MYRIP: variants seen among roughly 807,000 people sequenced by gnomAD.
The protein encoded by MYRIP is rab effector MyRIP.
MYRIP carries 49 observed loss-of-function variants against 98.0 expected under a neutral mutation model. The observed-to-expected ratio is 0.50, with a 90% CI of 0.40 to 0.63. MYRIP has a LOEUF of 0.63. MYRIP is among the 30% of genes least tolerant of loss of function. The probability of loss-of-function intolerance (pLI) is 0.00; values close to 1 mark genes in which losing one functional copy is unlikely to be tolerated. For synonymous variants in MYRIP, 404 were observed against 409.5 expected (o/e 0.99, Z 0.16); for missense variants, 1,004 against 1,058.2 (o/e 0.95, Z 0.71).
chr3:39,854,540 A>C (rs1327655166), intron 1 of MYRIP, among the ~76,000 whole-genome samples: 1 of 151,842 alleles, frequency 6.6e-6, no homozygotes, highest in Non-Finnish European at 1.5e-5. Context: ...TTTCATCCAT[A>C]TCCTGTACTG....
chr3:39,962,359 TAGG>T (rs1945343532), intron 2 of MYRIP, among the ~76,000 whole-genome samples: 1 of 152,058 alleles, frequency 6.6e-6, no homozygotes. Context: ...GAGTGACTAT[TAGG>T]AGGAATTAAA....
intron 3 of MYRIP, among the ~76,000 whole-genome samples, chr3:40,102,727 G>A (rs531136955): frequency 6.6e-6 from 1 of 152,104 alleles, no homozygotes; most frequent in South Asian, 2.1e-4. Flanking sequence ...TCAGAGTTAG[G>A]TATGTACACC....
chr3:40,192,886 C>T (rs892797703), intron 10 of MYRIP, among the ~76,000 whole-genome samples: 1 of 152,194 alleles, frequency 6.6e-6, no homozygotes, highest in Non-Finnish European at 1.5e-5. Flanking sequence ...AGTTGCCCAT[C>T]ATGCTTCTAC....
At chr3:40,159,640 C>T (rs1313100698) in intron 4 of MYRIP, among the ~76,000 whole-genome samples, 2 of 151,898 alleles carry the variant, frequency 1.3e-5, no homozygotes, top group African/African-American at 2.4e-5. Context: ...ACCAATCAGA[C>T]GTAGATTTGG....
At chr3:39,914,397 T>C (rs1247215547) in intron 2 of MYRIP, among the ~76,000 whole-genome samples, 1 of 152,046 alleles carries the variant, frequency 6.6e-6, no homozygotes, top group Non-Finnish European at 1.5e-5. Flanking sequence ...TATTATACAA[T>C]TGTTAAAAGC....
chr3:39,963,759 TTAAAAG>T (rs1438121038), intron 2 of MYRIP, among the ~76,000 whole-genome samples: 31 of 152,268 alleles, frequency 2.0e-4, no homozygotes, highest in African/African-American at 6.7e-4. Flanking sequence ...TATATCTGTC[TTAAAAG>T]TAAAAGCAAT....
At chr3:40,132,658 TG>T (rs1365577992) in intron 3 of MYRIP, among the ~76,000 whole-genome samples, 1 of 152,238 alleles carries the variant, frequency 6.6e-6, no homozygotes, top group Non-Finnish European at 1.5e-5. Context: ...AGCCCCACCC[TG>T]GGGGCATGAG....
intron 2 of MYRIP, among the ~76,000 whole-genome samples, chr3:39,909,386 A>G (rs1053167737): frequency 7.9e-5 from 12 of 152,218 alleles, no homozygotes; most frequent in Admixed American, 2.0e-4. Context: ...TTTGAATGTC[A>G]GGACCCTTCT....
chr3:39,913,703 A>G (rs971004793), intron 2 of MYRIP, among the ~76,000 whole-genome samples: 6 of 152,346 alleles, frequency 3.9e-5, no homozygotes, highest in African/African-American at 1.2e-4. Context: ...GAAATCATAC[A>G]ATGCCTTAGG....
rs141429042 is a variant in MYRIP, at chr3:40,212,369, G to A, written c.1905+2276G>A. On this transcript the variant is annotated intron_variant, in intron 11 of 16. Coordinates refer to ENST00000302541, the MANE Select transcript of MYRIP (RefSeq NM_015460.4). ...TATATAATATATGGTTTCCCCATCA[G>A]GCAGGTACTACTGTAGTTAAAGAAA... 2.0e-3 allele frequency among the ~76,000 whole-genome samples: 297 copies of A among 150,438 alleles called. 1 individual carries two copies. The highest frequency in any genetic ancestry group is 7.0e-3 in the African/African-American group (288 of 41,218).
intron 3 of MYRIP, among the ~76,000 whole-genome samples, chr3:40,065,795 T>C (rs1163509250): frequency 6.6e-6 from 1 of 152,186 alleles, no homozygotes; most frequent in African/African-American, 2.4e-5. Context: ...CATTCTACCA[T>C]GTCCTGAAGG....
intron 2 of MYRIP, among the ~76,000 whole-genome samples, chr3:40,027,753 A>G (rs1374910222): frequency 6.6e-6 from 1 of 152,128 alleles, no homozygotes; most frequent in East Asian, 1.9e-4. Flanking sequence ...CTGTAATAAT[A>G]GGTGCCTAAT....
intron 1 of MYRIP, among the ~76,000 whole-genome samples, chr3:39,847,349 A>G (rs1437015703): frequency 6.6e-6 from 1 of 152,232 alleles, no homozygotes; most frequent in Non-Finnish European, 1.5e-5. Flanking sequence ...ATGCTATGCT[A>G]TAAAGTCAGT....
intron 11 of MYRIP, among the ~76,000 whole-genome samples, chr3:40,225,388 G>C (rs1418054047): frequency 6.6e-6 from 1 of 152,160 alleles, no homozygotes; most frequent in Non-Finnish European, 1.5e-5. Flanking sequence ...AGTTGGTAGA[G>C]GCTGCAGAAT....
At chr3:39,997,728 C>T (rs1370584743) in intron 2 of MYRIP, among the ~76,000 whole-genome samples, 4 of 151,912 alleles carry the variant, frequency 2.6e-5, no homozygotes, top group South Asian at 2.1e-4. Context: ...AGAGACACAA[C>T]AAAAAAAGAG....
chr3:40,197,650 T>C (rs953284689), intron 10 of MYRIP, among the ~76,000 whole-genome samples: 1 of 152,228 alleles, frequency 6.6e-6, no homozygotes, highest in African/African-American at 2.4e-5. Flanking sequence ...TTAGTGTAAG[T>C]GCTGAACTCT....
At chr3:40,082,192 T>A (rs915638908) in intron 3 of MYRIP, among the ~76,000 whole-genome samples, 20 of 152,174 alleles carry the variant, frequency 1.3e-4, no homozygotes, top group Admixed American at 7.9e-4. Flanking sequence ...TATGGAGGTT[T>A]CTCAAAAAAA....
chr3:40,247,110 A>G (rs1028003501), intron 13 of MYRIP, among the ~76,000 whole-genome samples: 1 of 152,210 alleles, frequency 6.6e-6, no homozygotes, highest in African/African-American at 2.4e-5. Flanking sequence ...AGTAATATTT[A>G]TGGGTGTTTG....
At chr3:40,122,576 G>A (rs1328923145) in intron 3 of MYRIP, among the ~76,000 whole-genome samples, 1 of 151,452 alleles carries the variant, frequency 6.6e-6, no homozygotes, top group Admixed American at 6.6e-5. Context: ...ACATTAATCT[G>A]TATATGTATG....
Sources: gnomAD v4.1 joint callset for allele counts (sites outside exome capture counted in the v4.1 genomes callset) on GRCh38, gnomAD v4.1.1 for gene constraint, MANE v1.5 for transcripts, NCBI Gene and HGNC (gene_info 2026-07-23, HGNC 2026-07-21) for gene names.